The following MAMDC4 variants were observed in gnomAD, a reference collection of about 807,000 sequenced individuals.
MAMDC4 encodes the protein apical endosomal glycoprotein.
MAMDC4 carries 168 observed loss-of-function variants against 153.3 expected under a neutral mutation model. The ratio of observed to expected loss-of-function variants is 1.10; its 90% confidence interval spans 0.97 to 1.25. The LOEUF (loss-of-function observed/expected upper bound fraction) is 1.25. Among genes scored for constraint, MAMDC4 ranks in the 50% most tolerant of loss-of-function variants. MAMDC4 has a pLI of 0.00. For synonymous variants in MAMDC4, 744 were observed against 651.5 expected (o/e 1.14, Z -2.16); for missense variants, 1,701 against 1,542.8 (o/e 1.10, Z -1.72).
Position 136,858,788 on chromosome 9 carries a change from C to T in MAMDC4, c.2891C>T (p.Pro964Leu), listed in dbSNP as rs772043614. 1.2e-6 allele frequency: 2 copies of T among 1,610,612 alleles called. No individual in the cohort carries two copies. Among genetic ancestry groups the T allele is most frequent in the South Asian group, 2.2e-5 (2 of 90,960 alleles). The change falls in exon 23 of 27, where the codon CCT becomes CTT. Residue 964 changes from proline to leucine, a missense_variant. By Grantham distance (98) the Pro-to-Leu change is moderately conservative. Coordinates refer to ENST00000317446, the MANE Select transcript of MAMDC4 (RefSeq NM_206920.3). The part of the protein sequence containing the change: ...GGRAAWLRSE[P>L]LPATPASCLR... ...CGGGCCGCCTGGCTGCGCAGCGAGC[C>T]TCTGCCGGCCACCCCAGCCTCCTGC...
In MAMDC4 at chr9:136,855,752, C is replaced by A; in HGVS notation, c.1492C>A (p.Pro498Thr). 1 of 1,571,924 alleles carries A rather than the reference C, an allele frequency of 6.4e-7. No individual in the cohort carries two copies. The highest frequency in any genetic ancestry group is 8.6e-7 in the Non-Finnish European group (1 of 1,159,670). The change falls in exon 13 of 27, where the codon CCC becomes ACC. Residue 498 changes from proline (P) to threonine (T), a missense_variant. Physicochemically the swap from Pro to Thr is conservative, Grantham distance 38 (BLOSUM62 -1). Coordinates refer to ENST00000317446, the MANE Select transcript of MAMDC4 (RefSeq NM_206920.3). ...QACGTTDFES[P>T]EAGGWEDASV... Reference sequence around the variant, plus strand: ...TCCAGGCACCACAGACTTTGAGTCCCCCGAGGCTGGGGGCTGGGAGGACGC... The same window carrying A: ...TCCAGGCACCACAGACTTTGAGTCCACCGAGGCTGGGGGCTGGGAGGACGC...
At chr9:136,852,869 A>G (rs1020599969) in intron 1 of MAMDC4, among the ~76,000 whole-genome samples, 5 of 152,038 alleles carry the variant, frequency 3.3e-5, no homozygotes, top group African/African-American at 1.2e-4. Context: ...GGGGTGCCCC[A>G]TGGCCGGGTC....
In MAMDC4 at chr9:136,858,452, C is replaced by T. The variant is rs780403836; in HGVS notation, c.2727C>T (p.Pro909=). The change falls in exon 22 of 27, where the codon CCC becomes CCT. Residue 909 remains proline, a synonymous_variant. Coordinates refer to ENST00000317446, the MANE Select transcript of MAMDC4 (RefSeq NM_206920.3). ...GTGGCTGGAGCCACCTGGCCTGGCC[C>T]GGCCTGGGCGGATACAGCTGGGACT... ...GLCGWSHLAW[P]GLGGYSWDWG... is the part of the protein sequence containing the mutation. The T allele has an allele frequency of 2.0e-5, 32 of 1,607,444 alleles. No individual in the cohort carries two copies. The highest frequency in any genetic ancestry group is 2.7e-5 in the African/African-American group (2 of 74,930).
intron 14 of MAMDC4, chr9:136,856,457 C>A (rs1275540295): frequency 1.3e-6 from 1 of 783,842 alleles, no homozygotes; most frequent in Non-Finnish European, 2.4e-6. Flanking sequence ...CCCCCTACCC[C>A]ATGAAGCTGG....
chr9:136,857,391 G>C lies in MAMDC4; in HGVS notation c.2131G>C (p.Gly711Arg). 1.2e-6 allele frequency: 2 copies of C among 1,608,050 alleles called. No homozygotes were observed. The highest frequency in any genetic ancestry group is 1.7e-6 in the Non-Finnish European group (2 of 1,179,876). ...GCTGCTGTTCGAGGGCCTCCGGGAC[G>C]GATACCACGGCACCATGGCGCTGGA... ...YQLLFEGLRD[G>R]YHGTMALDDV... Residue 711 changes from glycine (G) to arginine (R), a missense_variant, in exon 18 of 27, where the codon GGA becomes CGA. Gly to Arg is a moderately radical substitution (Grantham distance 125). Coordinates refer to ENST00000317446, the MANE Select transcript of MAMDC4 (RefSeq NM_206920.3).
Position 136,858,082 on chromosome 9 carries a change from C to T in MAMDC4, c.2568C>T (p.Ala856=), listed in dbSNP as rs746718063. ...AWRLGSMDVQ[A]ERAWRVVFEA... is the part of the protein sequence containing the mutation. The stretch of plus-strand genomic sequence containing the variant: ...GCCTGGGCAGCATGGACGTGCAGGC[C>T]GAGCGAGCCTGGAGGGTGAGTGCAG... The change falls in exon 20 of 27, where the codon GCC becomes GCT. Residue 856 remains alanine (A), a synonymous_variant. Transcript: ENST00000317446. The T allele has an allele frequency of 2.5e-5, 38 of 1,531,738 alleles. No individual in the cohort carries two copies. In the South Asian group the frequency reaches 3.3e-4, roughly 13 times the overall value. 94.9% of individuals were successfully genotyped at this position (1,531,738 alleles called of 1,614,324 possible).
chr9:136,853,464 G>A lies in MAMDC4; in HGVS notation c.328+6G>A, dbSNP rs1848956833. On this transcript the variant is annotated splice_donor_region_variant and intron_variant, in intron 3 of 26. Transcript: ENST00000317446. ...CACACTGGGCACCGACTTGGGTGAG[G>A]CCAGGGCAAGTCTCTGTGCGCCCCT... The A allele has an allele frequency of 4.4e-6, 7 of 1,605,964 alleles. No homozygotes were observed. Among genetic ancestry groups the A allele is most frequent in the Non-Finnish European group, 6.0e-6 (7 of 1,175,324 alleles).
At chr9:136,854,100 C>T in intron 6 of MAMDC4, 24 bp downstream of exon 6, 1 of 1,612,004 alleles carries the variant, frequency 6.2e-7, no homozygotes, top group South Asian at 1.1e-5. Flanking sequence ...TCTTCCTGTT[C>T]CACCCCCGGG....
chr9:136,856,349 G>A (rs764036805), intron 14 of MAMDC4, 200 bp downstream of exon 14: 2 of 973,304 alleles, frequency 2.1e-6, no homozygotes, highest in South Asian at 1.3e-5. Flanking sequence ...GGTGGACAAG[G>A]TCCTTCTAGG....
In MAMDC4 at chr9:136,853,246, G is replaced by A. The variant is rs149287240; in HGVS notation, c.154+37G>A. Reference sequence around the variant, plus strand: ...CCAGATGGGCGGGCAGGGCCAGTGCGAGCAGGTCTGGCACACACCTGACCA... The same window carrying A: ...CCAGATGGGCGGGCAGGGCCAGTGCAAGCAGGTCTGGCACACACCTGACCA... On this transcript the variant is annotated intron_variant, in intron 2 of 26. Transcript: ENST00000317446. 130 of 1,611,914 alleles carry A rather than the reference G, an allele frequency of 8.1e-5. 2 individuals carry two copies. The Middle Eastern group carries it at 8.3e-4, about 10-fold the overall frequency.
Position 136,860,039 on chromosome 9 carries a change from G to A in MAMDC4, c.3347G>A (p.Gly1116Asp). 1.3e-6 allele frequency: 2 copies of A among 1,599,088 alleles called. No individual in the cohort carries two copies. The highest frequency in any genetic ancestry group is 1.3e-5 in the African/African-American group (1 of 74,832). The change falls in exon 26 of 27, where the codon GGC becomes GAC. Residue 1116 changes from glycine to aspartate, a missense_variant. Physicochemically the swap from Gly to Asp is moderately conservative, Grantham distance 94. Transcript: ENST00000317446. ...AGCAACACAGAGGCCACAGCCCCTG[G>A]CTTTGACAACATCCTTTTCAATGCG... is the stretch of plus-strand genomic sequence containing the variant. ...FQSNTEATAP[G>D]FDNILFNADG...
At chr9:136,854,892 C>G in intron 9 of MAMDC4, 42 bp downstream of exon 9, 1 of 1,612,552 alleles carries the variant, frequency 6.2e-7, no homozygotes, top group Non-Finnish European at 8.5e-7. Flanking sequence ...GCTCTCCGTG[C>G]TGGCTGCCCC....
At position 136,854,859 on chromosome 9, in the gene MAMDC4, G is replaced by C. The variant is rs757207121; in HGVS notation, c.1023+9G>C. ...GCACCTCCAACTGCTCGGTGAGATG[G>C]GTGGGGCTCACAGGGCCTCCCTGCT... On this transcript the variant is annotated intron_variant, in intron 9 of 26. Transcript: ENST00000317446. The C allele has an allele frequency of 6.2e-7, 1 of 1,612,696 alleles. No individual in the cohort carries two copies. The highest frequency in any genetic ancestry group is 8.5e-7 in the Non-Finnish European group (1 of 1,179,850).
chr9:136,856,825 A>G lies in MAMDC4; in HGVS notation c.1836A>G (p.Gln612=), dbSNP rs1849012283. Residue 612 remains glutamine (Q), a splice_region_variant and synonymous_variant, in exon 15 of 27, where the codon CAA becomes CAG. Transcript: ENST00000317446. ...CTGACCACGACCACACCACAGGCCA[A>G]GGTAGGATGGGCGCTCAGACCGGGG... The part of the protein sequence containing the change: ...RGPDHDHTTG[Q]GHFVLLDPTD... The G allele has an allele frequency of 1.9e-6, 3 of 1,612,292 alleles. No homozygotes were observed. The highest frequency in any genetic ancestry group is 1.3e-5 in the African/African-American group (1 of 74,926).
chr9:136,856,707 C>T lies in MAMDC4; in HGVS notation c.1721-3C>T, dbSNP rs1299147293. ...GTGTGACGCCACCTGGCCCCACCCC[C>T]AGAGGTCTCCTGTAACTTTGAGCGG... On this transcript the variant is annotated splice_region_variant and splice_polypyrimidine_tract_variant and intron_variant, in intron 14 of 26. Transcript: ENST00000317446. 6.2e-7 allele frequency: 1 copy of T among 1,612,564 alleles called. No homozygotes were observed. Among genetic ancestry groups the T allele is most frequent in the Non-Finnish European group, 8.5e-7 (1 of 1,179,816 alleles).
chr9:136,854,253 A>G lies in MAMDC4; in HGVS notation c.713A>G (p.Asn238Ser), dbSNP rs1848969739. ...NCPPGHHHCQ[N>S]KVCVEPQQLC... is the part of the protein sequence containing the mutation. ...CCCCCGGGACACCACCACTGCCAGA[A>G]CAAGGTCTGCGTGGAGCCCCAGCAG... is the stretch of plus-strand genomic sequence containing the variant. Residue 238 changes from asparagine (N) to serine (S), a missense_variant, in exon 7 of 27, where the codon AAC becomes AGC. Transcript: ENST00000317446. 1 of 1,611,730 alleles carries G rather than the reference A, an allele frequency of 6.2e-7. No individual in the cohort carries two copies. The highest frequency in any genetic ancestry group is 1.3e-5 in the African/African-American group (1 of 74,920).
In MAMDC4 at chr9:136,855,441, C is replaced by A. The variant is rs1395565024; in HGVS notation, c.1293C>A (p.Thr431=). The change falls in exon 12 of 27, where the codon ACC becomes ACA. Residue 431 remains threonine (T), a synonymous_variant. Transcript: ENST00000317446. ...DHCRPVSEVS[T]LQPLPPGPRA... ...GTTCTGCCCCCACAGAGGTGTCCAC[C>A]CTGCAGCCGCTGCCTCCTGGGCCCC... 6.2e-7 allele frequency: 1 copy of A among 1,609,438 alleles called. No homozygotes were observed. Among genetic ancestry groups the A allele is most frequent in the Admixed American group, 1.7e-5 (1 of 59,754 alleles).
intron 23 of MAMDC4, 52 bp from the exon 24 acceptor site, chr9:136,858,953 C>A: frequency 6.6e-7 from 1 of 1,517,604 alleles, no homozygotes. Context: ...CCTGGTTAGG[C>A]GTGCAGGAGC....
chr9:136,855,000 C>T lies in MAMDC4; in HGVS notation c.1087C>T (p.Leu363=). The T allele has an allele frequency of 1.2e-6, 2 of 1,602,556 alleles. No individual in the cohort carries two copies. Among genetic ancestry groups the T allele is most frequent in the Non-Finnish European group, 8.5e-7 (1 of 1,176,674 alleles). Residue 363 remains leucine (L), a synonymous_variant, in exon 10 of 27, where the codon CTG becomes TTG. Transcript: ENST00000317446. Reference sequence around the variant, plus strand: ...CTGCCTCCAGCTGTTCCTGCAGACTCTGGGGCCCGGCGCCCCCCGGGCCCC... The same window carrying T: ...CTGCCTCCAGCTGTTCCTGCAGACTTTGGGGCCCGGCGCCCCCCGGGCCCC... The part of the protein sequence containing the change: ...AGCLQLFLQT[L]GPGAPRAPVL...
Sources: allele counts gnomAD v4.1 joint callset (sites outside exome capture counted in the v4.1 genomes callset), GRCh38; gene constraint gnomAD v4.1.1; transcripts MANE v1.5; gene names NCBI Gene and HGNC (gene_info 2026-07-23, HGNC 2026-07-21).